The following RC3H1 variants were observed in gnomAD, a reference collection of about 807,000 sequenced individuals.
RC3H1 encodes ring finger and CCCH-type domains 1, also known as roquin-1.
In RC3H1, 50 loss-of-function variants were observed where a neutral mutation model predicts 138.2. The observed-to-expected ratio is 0.36, with a 90% confidence interval of 0.29 to 0.46. RC3H1 has a LOEUF of 0.46. Ranked by LOEUF, RC3H1 falls within the 20% of genes least tolerant of loss-of-function variation. The probability of loss-of-function intolerance (pLI) is 1.00; values close to 1 mark genes in which losing one functional copy is unlikely to be tolerated. For missense variants in RC3H1, 1,031 were observed against 1,388.1 expected, an observed-to-expected ratio of 0.74 and a Z score of 4.09; for synonymous variants, 462 against 489.1, an observed-to-expected ratio of 0.94 and a Z score of 0.73.
intron 2 of RC3H1, among the ~76,000 whole-genome samples, chr1:173,992,210 T>A (rs762873964): frequency 6.6e-6 from 1 of 152,188 alleles, no homozygotes; most frequent in Non-Finnish European, 1.5e-5. Flanking sequence ...TGCAGCACGA[T>A]CTCGGCTCAC....
At position 173,983,694 on chromosome 1, in the gene RC3H1, A is replaced by G. The variant is rs148046409; in HGVS notation, c.353-37T>C. On this transcript the variant is annotated intron_variant, in intron 3 of 19. Coordinates refer to ENST00000367696, the MANE Select transcript of RC3H1 (RefSeq NM_172071.4). ...TAAAGAAGTTATTCCTAGGTTCACAATGCAATTTTACAGTCCAGGAGCAAT... is the reference window on the plus strand; with the variant it reads ...TAAAGAAGTTATTCCTAGGTTCACAGTGCAATTTTACAGTCCAGGAGCAAT... 452 of 1,605,694 alleles carry G rather than the reference A, an allele frequency of 2.8e-4. 3 individuals are homozygous for G. The African/African-American group carries it at 5.3e-3, about 19-fold the overall frequency.
chr1:173,938,663 A>C lies in RC3H1; in HGVS notation c.*58T>G, dbSNP rs1658698123. 1 of 1,327,030 alleles carries C rather than the reference A, an allele frequency of 7.5e-7. No individual in the cohort carries two copies. Among genetic ancestry groups the C allele is most frequent in the Non-Finnish European group, 1.0e-6 (1 of 972,102 alleles). The allele number at this position is 1,327,030 out of a possible 1,614,324, so 82.2% of individuals were successfully genotyped here. ...AAGTTTAGAAGTTATGCGTTCTCCT[A>C]CCCCTATGCCCGACAAACTGATTAG... On this transcript the variant is annotated 3_prime_UTR_variant, in exon 20 of 20. Coordinates refer to ENST00000367696, the MANE Select transcript of RC3H1 (RefSeq NM_172071.4).
At position 173,961,739 on chromosome 1, in the gene RC3H1, G is replaced by A; in HGVS notation, c.2188C>T (p.Pro730Ser). 6.2e-7 allele frequency: 1 copy of A among 1,612,030 alleles called. No individual in the cohort carries two copies. ...ATACAGCATACTCTGAGGTACGAAG[G>A]TCTGATCTGAGTTGGATGAGGAGCC... The part of the protein sequence containing the change: ...PVAPHPTQIR[P>S]SYLREPPYSR... The change falls in exon 12 of 20, where the codon CCT (proline) becomes TCT (serine). Residue 730 changes from proline to serine, a missense_variant. Transcript: ENST00000367696.
chr1:173,982,356 C>T (rs373556897), intron 5 of RC3H1, among the ~76,000 whole-genome samples: 13 of 151,934 alleles, frequency 8.6e-5, no homozygotes, highest in African/African-American at 1.5e-4. Context: ...CCAGCCTGGG[C>T]GACAGCAAGA....
At chr1:173,992,430 G>A (rs911834445) in intron 2 of RC3H1, among the ~76,000 whole-genome samples, 1 of 152,094 alleles carries the variant, frequency 6.6e-6, no homozygotes, top group South Asian at 2.1e-4. Context: ...TTACAGGCAT[G>A]AGCCACCACA....
intron 11 of RC3H1, among the ~76,000 whole-genome samples, chr1:173,963,276 C>T (rs892818368): frequency 6.6e-6 from 1 of 150,624 alleles, no homozygotes; most frequent in African/African-American, 2.4e-5. Flanking sequence ...CCATTCATAA[C>T]TTTTTTTTTT....
intron 17 of RC3H1, among the ~76,000 whole-genome samples, chr1:173,945,689 G>A (rs552936506): frequency 1.3e-5 from 2 of 151,622 alleles, no homozygotes; most frequent in African/African-American, 2.4e-5. Flanking sequence ...CCGGAACTAT[G>A]TTTTACTTTT....
chr1:173,956,826 G>T (rs1006551405), intron 13 of RC3H1, among the ~76,000 whole-genome samples: 1 of 152,072 alleles, frequency 6.6e-6, no homozygotes, highest in African/African-American at 2.4e-5. Context: ...TATAGAAAAT[G>T]AGATTTTCGA....
At chr1:173,986,245 G>A (rs1488458391) in intron 2 of RC3H1, among the ~76,000 whole-genome samples, 1 of 152,110 alleles carries the variant, frequency 6.6e-6, no homozygotes, top group Non-Finnish European at 1.5e-5. Context: ...TAAAATTAAT[G>A]AGCCAATATC....
intron 1 of RC3H1, among the ~76,000 whole-genome samples, chr1:174,001,296 A>G (rs1017902342): frequency 1.3e-5 from 2 of 152,234 alleles, no homozygotes; most frequent in Admixed American, 1.3e-4. Flanking sequence ...TGAGAAAGTA[A>G]GACAGTCTTT....
rs1660946101 is a variant in RC3H1, at chr1:173,984,529, A to G, written c.322T>C (p.Leu108=). The change falls in exon 3 of 20, where the codon TTG becomes CTG. Residue 108 remains leucine, a synonymous_variant. Coordinates refer to ENST00000367696, the MANE Select transcript of RC3H1 (RefSeq NM_172071.4). ...GCACTGCTGAGCGGTTTTAAGTACA[A>G]TGCTAATTCTTCTACACATTTCTTG... ...EAKKCVEELA[L]YLKPLSSARG... 2 of 1,613,866 alleles carry G rather than the reference A, an allele frequency of 1.2e-6. No individual in the cohort carries two copies. Among genetic ancestry groups the G allele is most frequent in the African/African-American group, 1.3e-5 (1 of 74,930 alleles).
At chr1:173,997,963 C>CTT (rs1661495875) in intron 1 of RC3H1, among the ~76,000 whole-genome samples, 1 of 152,126 alleles carries the variant, frequency 6.6e-6, no homozygotes, top group Non-Finnish European at 1.5e-5. Flanking sequence ...CTCCAAGCTT[C>CTT]TCAAAGACAG....
chr1:173,941,185 T>C, intron 19 of RC3H1, 80 bp downstream of exon 19: 2 of 820,876 alleles, frequency 2.4e-6, no homozygotes, highest in Non-Finnish European at 4.1e-6. Context: ...TATGAGGGTA[T>C]TTCTGATATG....
intron 1 of RC3H1, among the ~76,000 whole-genome samples, chr1:173,999,350 AGCCTGG>A (rs1661519271): frequency 6.6e-6 from 1 of 150,604 alleles, no homozygotes; most frequent in South Asian, 2.1e-4. Context: ...ATTGCACTCC[AGCCTGG>A]GCAATGAGAG....
Position 173,965,074 on chromosome 1 carries a change from C to A in RC3H1, c.1381G>T (p.Ala461Ser). Reference sequence around the variant, plus strand: ...ACCTCATTAAGTTGACCCAAAGAGGCACTCAAGGGTCTTCTCGGAACCAGG... The same window carrying A: ...ACCTCATTAAGTTGACCCAAAGAGGAACTCAAGGGTCTTCTCGGAACCAGG... Reference protein sequence around the residue: ...KRLVPRRPLSASLGQLNEVGL... With the variant: ...KRLVPRRPLSSSLGQLNEVGL... Residue 461 changes from alanine (A) to serine (S), a missense_variant, in exon 10 of 20, where the codon GCC becomes TCC. By Grantham distance (99) the Ala-to-Ser change is moderately conservative. Transcript: ENST00000367696. 1.9e-6 allele frequency: 3 copies of A among 1,614,190 alleles called. No homozygotes were observed. Among genetic ancestry groups the A allele is most frequent in the Non-Finnish European group, 2.5e-6 (3 of 1,180,026 alleles).
chr1:174,003,489 T>C (rs928235535), intron 1 of RC3H1, among the ~76,000 whole-genome samples: 1 of 151,934 alleles, frequency 6.6e-6, no homozygotes, highest in Non-Finnish European at 1.5e-5. Flanking sequence ...AATCGCCATG[T>C]ACATATTATT....
intron 2 of RC3H1, 93 bp downstream of exon 2, chr1:173,992,662 C>G: frequency 1.0e-6 from 1 of 961,900 alleles, no homozygotes. Flanking sequence ...AGGAGAAAAA[C>G]ACGCACAACA....
intron 2 of RC3H1, among the ~76,000 whole-genome samples, chr1:173,992,458 C>G (rs544594845): frequency 6.6e-6 from 1 of 152,084 alleles, no homozygotes; most frequent in African/African-American, 2.4e-5. Context: ...TTAGGTTTCT[C>G]TAGCGATCTG....
At chr1:173,950,389 C>CTAG (rs900655708) in intron 14 of RC3H1, among the ~76,000 whole-genome samples, 31 of 141,094 alleles carry the variant, frequency 2.2e-4, no homozygotes, top group African/African-American at 9.0e-4. Flanking sequence ...GCCTGTCCTA[C>CTAG]CCAGGCAACA....
Sources: gnomAD v4.1 joint callset for allele counts (sites outside exome capture counted in the v4.1 genomes callset) on GRCh38, gnomAD v4.1.1 for gene constraint, MANE v1.5 for transcripts, NCBI Gene and HGNC (gene_info 2026-07-23, HGNC 2026-07-21) for gene names.